Variants in LETM1 observed in about 807,000 individuals in gnomAD.
LETM1 encodes the protein leucine zipper and EF-hand containing transmembrane protein 1.
In LETM1, 50 loss-of-function variants were observed where a neutral mutation model predicts 74.5. The ratio of observed to expected loss-of-function variants is 0.67; its 90% CI spans 0.53 to 0.85. The LOEUF (loss-of-function observed/expected upper bound fraction) is 0.85, where lower values mean the gene tolerates loss of function less well. Among genes scored for constraint, LETM1 ranks in the 40% least tolerant of loss-of-function variants. The probability of loss-of-function intolerance (pLI) is 0.00; values close to 1 mark genes in which losing one functional copy is unlikely to be tolerated. For missense variants in LETM1, 824 were observed against 967.8 expected, an observed-to-expected ratio of 0.85 and a Z score of 1.97; for synonymous variants, 446 against 407.1, an observed-to-expected ratio of 1.10 and a Z score of -1.15.
At chr4:1,818,389 G>A (rs1672245204) in intron 11 of LETM1, among the ~76,000 whole-genome samples, 1 of 152,012 alleles carries the variant, frequency 6.6e-6, no homozygotes, top group Non-Finnish European at 1.5e-5. Flanking sequence ...TGAGGCGGGT[G>A]GATCATGAGG....
chr4:1,841,769 T>C lies in LETM1; in HGVS notation c.172A>G (p.Ile58Val). Reference protein sequence around the residue: ...LNVPFGCCTPIHPVYTSSRGD... With the variant: ...LNVPFGCCTPVHPVYTSSRGD... Reference sequence around the variant, plus strand: ...CTGGAGGATGTGTACACAGGGTGGATGGGAGTGCAGCAGCCAAATGGAACA... The same window carrying C: ...CTGGAGGATGTGTACACAGGGTGGACGGGAGTGCAGCAGCCAAATGGAACA... The change falls in exon 3 of 14, where the codon ATC becomes GTC. Residue 58 changes from isoleucine (I) to valine (V), a missense_variant. Physicochemically the swap from Ile to Val is conservative, Grantham distance 29. This residue lies in a region of LETM1 where 222 missense variants were observed against 195.6 expected (regional missense o/e 1.14). Transcript: ENST00000302787. The C allele has an allele frequency of 6.2e-7, 1 of 1,613,562 alleles. No homozygotes were observed. Among genetic ancestry groups the C allele is most frequent in the East Asian group, 2.2e-5 (1 of 44,876 alleles).
chr4:1,850,108 C>A (rs527955629), intron 1 of LETM1, among the ~76,000 whole-genome samples: 4 of 151,952 alleles, frequency 2.6e-5, no homozygotes, highest in African/African-American at 9.7e-5. Context: ...GAGCTGAGAT[C>A]GCACCATTGC....
At chr4:1,842,843 T>C (rs899652913) in intron 2 of LETM1, among the ~76,000 whole-genome samples, 1 of 152,202 alleles carries the variant, frequency 6.6e-6, no homozygotes, top group African/African-American at 2.4e-5. Flanking sequence ...GAGACCATCA[T>C]CTGACCGCAG....
At position 1,854,350 on chromosome 4, in the gene LETM1, T is replaced by C. The variant is rs573641604; in HGVS notation, c.82+1519A>G. Among the ~76,000 whole-genome samples the C allele has an allele frequency of 7.3e-5, 11 of 151,020 alleles. No individual in the cohort carries two copies. The East Asian group carries it at 2.2e-3, about 30-fold the overall frequency. On this transcript the variant is annotated intron_variant, in intron 1 of 13. Transcript: ENST00000302787. ...CAAAAATTAGCCAGGCATGAGGGTG[T>C]GCGCCTGTAATCCCAGCTACTCAGG... is the stretch of plus-strand genomic sequence containing the variant.
intron 1 of LETM1, among the ~76,000 whole-genome samples, chr4:1,850,420 C>A (rs1027407165): frequency 1.3e-5 from 2 of 152,184 alleles, no homozygotes; most frequent in Non-Finnish European, 2.9e-5. Context: ...TCCCCACTCA[C>A]TTCAGCTGGC....
intron 3 of LETM1, among the ~76,000 whole-genome samples, chr4:1,839,499 T>A (rs1712610888): frequency 6.6e-6 from 1 of 152,108 alleles, no homozygotes; most frequent in Non-Finnish European, 1.5e-5. Context: ...TGGGAAAGAG[T>A]TGAAGCAGGA....
chr4:1,817,794 T>C (rs781349032), intron 11 of LETM1, among the ~76,000 whole-genome samples: 1 of 152,102 alleles, frequency 6.6e-6, no homozygotes, highest in Non-Finnish European at 1.5e-5. Flanking sequence ...TTTTTTGAGA[T>C]AGGGTCTTGC....
intron 3 of LETM1, among the ~76,000 whole-genome samples, chr4:1,837,450 C>T (rs1001898873): frequency 6.6e-6 from 1 of 152,128 alleles, no homozygotes; most frequent in Non-Finnish European, 1.5e-5. Context: ...TCGCACTGGA[C>T]CCATGGACTC....
rs780777776 is a variant in LETM1, at chr4:1,814,481, C to T, written c.2163G>A (p.Glu721=). ...VATLEKEEKV[E]EKEKAKEKAE... is the part of the protein sequence containing the mutation. The stretch of plus-strand genomic sequence containing the variant: ...CCTTCTCTTTGGCCTTCTCCTTCTC[C>T]TCCACCTTCTCCTCTTTTTCCAGTG... The change falls in exon 14 of 14, where the codon GAG becomes GAA. Residue 721 remains glutamate (E), a synonymous_variant. Transcript: ENST00000302787. 21 of 1,613,996 alleles carry T rather than the reference C, an allele frequency of 1.3e-5. No individual in the cohort carries two copies. Among genetic ancestry groups the T allele is most frequent in the Admixed American group, 1.0e-4 (6 of 59,996 alleles).
At chr4:1,842,594 A>G (rs1477743748) in intron 2 of LETM1, among the ~76,000 whole-genome samples, 1 of 152,126 alleles carries the variant, frequency 6.6e-6, no homozygotes, top group Non-Finnish European at 1.5e-5. Context: ...TGTGCACCAC[A>G]TTTGCTTTCT....
At chr4:1,847,565 A>G (rs1207930895) in intron 2 of LETM1, among the ~76,000 whole-genome samples, 1 of 152,110 alleles carries the variant, frequency 6.6e-6, no homozygotes, top group African/African-American at 2.4e-5. Context: ...CACACCTGTA[A>G]TCCCAGCACT....
chr4:1,836,350 T>A lies in LETM1; in HGVS notation c.738+79A>T. The A allele has an allele frequency of 6.9e-7, 1 of 1,452,244 alleles. No homozygotes were observed. The highest frequency in any genetic ancestry group is 9.6e-7 in the Non-Finnish European group (1 of 1,039,372). 90.0% of individuals were successfully genotyped at this position (1,452,244 alleles called of 1,614,324 possible). A position where few individuals can be genotyped will look rare whatever the true frequency, so the allele number is the denominator to read the frequency against. On this transcript the variant is annotated intron_variant, in intron 4 of 13. Coordinates refer to ENST00000302787, the MANE Select transcript of LETM1 (RefSeq NM_012318.3). The surrounding 1 kb of genome is among the most constrained non-coding windows in gnomAD (Gnocchi z 5.8). ...TAAAGTCTCAAAAATATCTAGCACC[T>A]GAAAAGTCACAAACAAGGAAGCCAT...
At chr4:1,817,336 C>CACT (rs1045935597) in intron 11 of LETM1, among the ~76,000 whole-genome samples, 29 of 151,114 alleles carry the variant, frequency 1.9e-4, no homozygotes, top group African/African-American at 6.8e-4. Flanking sequence ...GCAGGAGGAT[C>CACT]ACTTGAGGAC....
chr4:1,841,216 A>G, intron 3 of LETM1, 131 bp downstream of exon 3: 1 of 768,284 alleles, frequency 1.3e-6, no homozygotes, highest in Non-Finnish European at 2.1e-6. Flanking sequence ...GTGGTGGCAC[A>G]TGCCTGTGGT....
intron 13 of LETM1, 88 bp downstream of exon 13, chr4:1,815,576 G>T (rs1350012009): frequency 4.1e-6 from 6 of 1,467,004 alleles, no homozygotes; most frequent in East Asian, 4.7e-5. Flanking sequence ...GCCCAGGAGG[G>T]TGCCGGACAT....
intron 1 of LETM1, among the ~76,000 whole-genome samples, chr4:1,853,477 A>G (rs774806330): frequency 3.9e-5 from 6 of 152,204 alleles, no homozygotes; most frequent in Admixed American, 6.5e-5. Context: ...TTCCTCCTGA[A>G]AAACCATCTT....
chr4:1,816,920 A>G lies in LETM1; in HGVS notation c.1744-6T>C. 1 of 1,606,960 alleles carries G rather than the reference A, an allele frequency of 6.2e-7. No homozygotes were observed. Among genetic ancestry groups the G allele is most frequent in the Non-Finnish European group, 8.5e-7 (1 of 1,175,078 alleles). On this transcript the variant is annotated splice_polypyrimidine_tract_variant and splice_region_variant and intron_variant, in intron 11 of 13. Coordinates refer to ENST00000302787, the MANE Select transcript of LETM1 (RefSeq NM_012318.3). ...TTCTTGATCTCCTGCAAGTCCTAATAAAATTATTTTGGTTGTAAAAAGTTT... is the reference window on the plus strand; with the variant it reads ...TTCTTGATCTCCTGCAAGTCCTAATGAAATTATTTTGGTTGTAAAAAGTTT...
rs375208762 is a variant in LETM1, at chr4:1,851,740, C to T, written c.83-2531G>A. On this transcript the variant is annotated intron_variant, in intron 1 of 13. Transcript: ENST00000302787. ...TATCCTCCCCACACCATGGCACCTTCAGCCCCTCCACCCCTGCCCCGGCCA... is the reference window on the plus strand; with the variant it reads ...TATCCTCCCCACACCATGGCACCTTTAGCCCCTCCACCCCTGCCCCGGCCA... Among the ~76,000 whole-genome samples, 675 of 152,364 alleles carry T rather than the reference C, an allele frequency of 4.4e-3. 6 individuals are homozygous for T. The highest frequency in any genetic ancestry group is 0.016 in the African/African-American group (651 of 41,586).
At chr4:1,828,182 C>T (rs1444846323) in intron 6 of LETM1, among the ~76,000 whole-genome samples, 1 of 117,836 alleles carries the variant, frequency 8.5e-6, no homozygotes. Context: ...CGGGCAGAGG[C>T]GCCCCTCACC....
Sources: gnomAD v4.1 joint callset for allele counts (sites outside exome capture counted in the v4.1 genomes callset) on GRCh38, gnomAD v4.1.1 for gene constraint, gnomAD v4.1.1 regional missense constraint, Gnocchi (gnomAD v3.1) non-coding constraint, MANE v1.5 for transcripts, NCBI Gene and HGNC (gene_info 2026-07-23, HGNC 2026-07-21) for gene names.